Variants in DCP2 observed in about 807,000 individuals in gnomAD.
The protein encoded by DCP2 is decapping mRNA 2, also known as m7GpppN-mRNA hydrolase.
DCP2 carries 30 observed loss-of-function variants against 56.1 expected under a neutral mutation model. The ratio of observed to expected loss-of-function variants is 0.53; its 90% CI spans 0.40 to 0.73. DCP2 has a LOEUF of 0.73. Ranked by LOEUF, DCP2 falls within the 30% of genes least tolerant of loss-of-function variation. DCP2 has a pLI of 0.00. For missense variants in DCP2, 533 were observed against 502.7 expected (o/e 1.06, Z -0.58); for synonymous variants, 197 against 163.3 (o/e 1.21, Z -1.57).
At chr5:112,997,777 G>A (rs1389239808) in intron 4 of DCP2, among the ~76,000 whole-genome samples, 1 of 151,952 alleles carries the variant, frequency 6.6e-6, no homozygotes, top group African/African-American at 2.4e-5. Flanking sequence ...ACCATGTTTG[G>A]CTAATTTTTG....
At chr5:112,989,594 T>G (rs752609963) in intron 2 of DCP2, among the ~76,000 whole-genome samples, 1 of 152,204 alleles carries the variant, frequency 6.6e-6, no homozygotes, top group Non-Finnish European at 1.5e-5. Flanking sequence ...GTAGGGGTCT[T>G]GTAGGCCATA....
At chr5:113,001,535 A>AT in intron 6 of DCP2, 32 bp from the exon 7 acceptor site, 2 of 1,610,922 alleles carry the variant, frequency 1.2e-6, no homozygotes, top group South Asian at 2.2e-5. Flanking sequence ...CTGTAGCCAT[A>AT]TTTTGAAAGT....
Position 113,010,652 on chromosome 5 carries a change from CT to C in DCP2, c.1048-102del, listed in dbSNP as rs1441816724. 17 of 1,257,916 alleles carry C rather than the reference CT, an allele frequency of 1.4e-5. No homozygotes were observed. The Middle Eastern group carries it at 8.2e-4, about 60-fold the overall frequency. The allele number at this position is 1,257,916 out of a possible 1,614,324, so 77.9% of individuals were successfully genotyped here. ...TGATTATATTCCTGGTTCAGTTTTT[CT>C]TCCTGAGAAATTTGATAATACATCT... On this transcript the variant is annotated intron_variant, in intron 9 of 10. Coordinates refer to ENST00000389063, the MANE Select transcript of DCP2 (RefSeq NM_152624.6).
rs1022726675 is a variant in DCP2, at chr5:113,018,854, T to C, written c.*5370T>C. ...TCTTTATAGCAAACCTGCCACAGAC[T>C]TGCAAGCAGTGATTTTATCTTTCCT... On this transcript the variant is annotated 3_prime_UTR_variant, in exon 11 of 11. Coordinates refer to ENST00000389063, the MANE Select transcript of DCP2 (RefSeq NM_152624.6). 6.6e-6 allele frequency: 1 copy of C among 152,232 alleles called. No homozygotes were observed. The highest frequency in any genetic ancestry group is 1.5e-5 in the Non-Finnish European group (1 of 68,032). 9.4% of individuals were successfully genotyped at this position (152,232 alleles called of 1,614,324 possible).
rs1434443515 is a variant in DCP2, at chr5:113,018,890, G to A, written c.*5406G>A. ...GATTTTATCTTTCCTTCCTGAGAAGGTGATCTCACTTTTGATGTTTGGGTC... is the reference window on the plus strand; with the variant it reads ...GATTTTATCTTTCCTTCCTGAGAAGATGATCTCACTTTTGATGTTTGGGTC... On this transcript the variant is annotated 3_prime_UTR_variant, in exon 11 of 11. Transcript: ENST00000389063. 1.3e-5 allele frequency: 2 copies of A among 152,126 alleles called. No homozygotes were observed. Among genetic ancestry groups the A allele is most frequent in the African/African-American group, 4.8e-5 (2 of 41,422 alleles). 9.4% of individuals were successfully genotyped at this position (152,126 alleles called of 1,614,324 possible).
chr5:112,987,540 C>T (rs1379057363), intron 2 of DCP2, among the ~76,000 whole-genome samples: 1 of 150,626 alleles, frequency 6.6e-6, no homozygotes, highest in African/African-American at 2.4e-5. Flanking sequence ...GCAGCCTCCA[C>T]CTGCAGGGTT....
chr5:112,996,329 C>T (rs1437645093), intron 4 of DCP2, among the ~76,000 whole-genome samples: 1 of 152,046 alleles, frequency 6.6e-6, no homozygotes, highest in Non-Finnish European at 1.5e-5. Flanking sequence ...TTTTCATTTC[C>T]ACTTGTATTA....
intron 9 of DCP2, among the ~76,000 whole-genome samples, chr5:113,009,798 T>C (rs1749599332): frequency 6.6e-6 from 1 of 152,206 alleles, no homozygotes; most frequent in African/African-American, 2.4e-5. Context: ...TATGATATAA[T>C]TCCATTTAAA....
intron 1 of DCP2, among the ~76,000 whole-genome samples, chr5:112,979,297 T>A (rs1295689748): frequency 1.3e-5 from 2 of 152,192 alleles, no homozygotes; most frequent in African/African-American, 4.8e-5. Context: ...AACTTCAGAT[T>A]TTAAAATAAA....
intron 2 of DCP2, among the ~76,000 whole-genome samples, chr5:112,991,173 G>C (rs1180989997): frequency 6.6e-6 from 1 of 152,054 alleles, no homozygotes; most frequent in Non-Finnish European, 1.5e-5. Flanking sequence ...CTAGATAATT[G>C]AATATATGCT....
At chr5:112,992,634 G>C (rs748845672) in intron 3 of DCP2, 38 bp from the exon 4 acceptor site, 1 of 1,427,898 alleles carries the variant, frequency 7.0e-7, no homozygotes, top group Admixed American at 2.1e-5. Context: ...CATGGAAAAG[G>C]AGGGCAAGTT....
chr5:113,007,914 T>C (rs752712463), intron 8 of DCP2, 24 bp from the exon 9 acceptor site: 22 of 1,588,246 alleles, frequency 1.4e-5, no homozygotes, highest in East Asian at 2.2e-5. Flanking sequence ...TAGATTCATA[T>C]TATATTTCTT....
At chr5:112,990,972 A>G (rs1347078769) in intron 2 of DCP2, among the ~76,000 whole-genome samples, 1 of 152,152 alleles carries the variant, frequency 6.6e-6, no homozygotes, top group East Asian at 1.9e-4. Flanking sequence ...GTGTACCTGT[A>G]CTAACACCAC....
intron 1 of DCP2, among the ~76,000 whole-genome samples, chr5:112,981,263 A>C (rs373312791): frequency 6.6e-6 from 1 of 151,718 alleles, no homozygotes; most frequent in African/African-American, 2.4e-5. Flanking sequence ...TCCTGCCTCA[A>C]CCTCCCAAAG....
At chr5:112,988,353 G>A (rs373206097) in intron 2 of DCP2, among the ~76,000 whole-genome samples, 59 of 151,366 alleles carry the variant, frequency 3.9e-4, no homozygotes, top group East Asian at 1.4e-3. Context: ...TTAGCTGGGC[G>A]TGGTGGCGGG....
chr5:112,992,824 A>AT (rs1007024900), intron 4 of DCP2, 54 bp downstream of exon 4: 89 of 1,397,498 alleles, frequency 6.4e-5, no homozygotes, highest in African/African-American at 2.9e-4. Context: ...GTCTGAATGT[A>AT]TTTTTTTTAG....
intron 2 of DCP2, among the ~76,000 whole-genome samples, chr5:112,988,494 T>TAA (rs368124032): frequency 0.54 from 44,729 of 82,482 alleles, 11,304 homozygotes; most frequent in Non-Finnish European, 0.62. Flanking sequence ...TGTGTCTTAA[T>TAA]AAAAAAAAAA....
In DCP2 at chr5:112,992,673, T is replaced by G; in HGVS notation, c.335T>G (p.Val112Gly). Residue 112 changes from valine (V) to glycine (G), a missense_variant and splice_region_variant, in exon 4 of 11, where the codon GTA becomes GGA. Transcript: ENST00000389063. ...TTTTTACTTCTGCTTGTTTTGTAGGTACTACTAGTTCAGGGGTACCTAGCA... is the reference window on the plus strand; with the variant it reads ...TTTTTACTTCTGCTTGTTTTGTAGGGACTACTAGTTCAGGGGTACCTAGCA... ...AIILDETLEN[V>G]LLVQGYLAKS... The G allele has an allele frequency of 6.4e-7, 1 of 1,574,464 alleles. No individual in the cohort carries two copies. Among genetic ancestry groups the G allele is most frequent in the Non-Finnish European group, 8.6e-7 (1 of 1,164,960 alleles).
chr5:112,987,620 CTTTTTTT>C (rs562254738), intron 2 of DCP2, among the ~76,000 whole-genome samples: 17 of 69,732 alleles, frequency 2.4e-4, no homozygotes, highest in East Asian at 2.0e-3. Context: ...ACCTAGGTGC[CTTTTTTT>C]TTTTTTTTTT....
Sources: gnomAD v4.1 joint callset for allele counts (sites outside exome capture counted in the v4.1 genomes callset) on GRCh38, gnomAD v4.1.1 for gene constraint, MANE v1.5 for transcripts, NCBI Gene and HGNC (gene_info 2026-07-23, HGNC 2026-07-21) for gene names.